FSIP2: variants seen among roughly 807,000 people sequenced by gnomAD.
FSIP2 encodes fibrous sheath-interacting protein 2.
FSIP2 carries 367 observed loss-of-function variants against 510.5 expected under a neutral mutation model. The observed-to-expected ratio is 0.72, with a 90% CI of 0.66 to 0.78. FSIP2 has a LOEUF of 0.78. FSIP2 is among the 30% of genes least tolerant of loss of function. FSIP2 has a pLI of 0.00. For missense variants in FSIP2, 7,594 were observed against 7,901.7 expected (o/e 0.96, Z 1.48); for synonymous variants, 2,601 against 2,732.2 (o/e 0.95, Z 1.50).
In FSIP2 at chr2:185,786,276, C is replaced by T; in HGVS notation, c.1494C>T (p.Cys498=). ...TNMQQNLLQN[C]LQEKVTSEEL... ...GGCAACAGAACTTGCTGCAAAATTG[C>T]TTGCAAGAAAAAGTATGTATCATAA... The change falls in exon 15 of 23, where the codon TGC becomes TGT. Residue 498 remains cysteine (C), a synonymous_variant. Transcript: ENST00000424728. 6.6e-7 allele frequency: 1 copy of T among 1,521,944 alleles called. No homozygotes were observed. Among genetic ancestry groups the T allele is most frequent in the South Asian group, 1.2e-5 (1 of 82,718 alleles). 94.3% of individuals were successfully genotyped at this position (1,521,944 alleles called of 1,614,324 possible). A position where few individuals can be genotyped will look rare whatever the true frequency, so the allele number is the denominator to read the frequency against.
At position 185,796,345 on chromosome 2, in the gene FSIP2, G is replaced by A. The variant is rs879109205; in HGVS notation, c.9209G>A (p.Arg3070Gln). 30 of 1,533,520 alleles carry A rather than the reference G, an allele frequency of 2.0e-5. No individual in the cohort carries two copies. The highest frequency in any genetic ancestry group is 7.1e-5 in the South Asian group (6 of 83,964). The allele number at this position is 1,533,520 out of a possible 1,614,324, so 95.0% of individuals were successfully genotyped here. The change falls in exon 16 of 23, where the codon CGG (arginine) becomes CAG (glutamine). Residue 3070 changes from arginine to glutamine, a missense_variant. Coordinates refer to ENST00000424728, the MANE Select transcript of FSIP2 (RefSeq NM_173651.4). ...FKENIQNILL[R>Q]VHSFHSQLLT... is the part of the protein sequence containing the mutation. The stretch of plus-strand genomic sequence containing the variant: ...GAAAACATACAGAATATCCTTCTAC[G>A]GGTTCATTCATTCCATTCACAATTA...
Position 185,790,013 on chromosome 2 carries a change from A to G in FSIP2, c.2877A>G (p.Gln959=), listed in dbSNP as rs1474270120. ...PVNESFQKSR[Q]PRISSPSDTK... ...ATGAAAGTTTTCAAAAAAGTAGGCA[A>G]CCTAGAATAAGTAGTCCTTCTGACA... Residue 959 remains glutamine (Q), a synonymous_variant, in exon 16 of 23, where the codon CAA becomes CAG. Transcript: ENST00000424728. 6.5e-7 allele frequency: 1 copy of G among 1,534,106 alleles called. No individual in the cohort carries two copies. Among genetic ancestry groups the G allele is most frequent in the Admixed American group, 2.0e-5 (1 of 50,836 alleles).
chr2:185,824,952 G>A (rs762043293), intron 20 of FSIP2, among the ~76,000 whole-genome samples: 1 of 150,996 alleles, frequency 6.6e-6, no homozygotes, highest in Non-Finnish European at 1.5e-5. Context: ...AATAGTCCTG[G>A]CTCCTTAGAA....
chr2:185,828,204 G>C lies in FSIP2; in HGVS notation c.20517+5G>C. On this transcript the variant is annotated splice_donor_5th_base_variant and intron_variant, in intron 21 of 22. Coordinates refer to ENST00000424728, the MANE Select transcript of FSIP2 (RefSeq NM_173651.4). ...GAGCATGGAAACAGTGTTAAGGTAA[G>C]TATTTTTAACTAGCCTTAGTTGATA... The C allele has an allele frequency of 6.5e-7, 1 of 1,546,928 alleles. No homozygotes were observed.
intron 13 of FSIP2, among the ~76,000 whole-genome samples, chr2:185,767,790 C>T (rs975569934): frequency 6.6e-6 from 1 of 152,096 alleles, no homozygotes; most frequent in Admixed American, 6.6e-5. Context: ...TATATATTAG[C>T]TATTGTGAAT....
At chr2:185,758,092 T>C (rs79869606) in intron 9 of FSIP2, among the ~76,000 whole-genome samples, 5,785 of 151,388 alleles carry the variant, frequency 0.038, 348 homozygotes, top group African/African-American at 0.12. Flanking sequence ...TCATACATTA[T>C]GTAACTTTAT....
chr2:185,799,997 T>A lies in FSIP2; in HGVS notation c.10691T>A (p.Ile3564Asn). 1 of 1,518,152 alleles carries A rather than the reference T, an allele frequency of 6.6e-7. No individual in the cohort carries two copies. The highest frequency in any genetic ancestry group is 8.8e-7 in the Non-Finnish European group (1 of 1,135,412). 94.0% of individuals were successfully genotyped at this position (1,518,152 alleles called of 1,614,324 possible). ...CTTGCTTTATGTATTTCTGAAATCA[T>A]TATTAAAATTCTTTTTAATAATAAA... ...GELALCISEI[I>N]IKILFNNKII... The change falls in exon 17 of 23, where the codon ATT becomes AAT. Residue 3564 changes from isoleucine (I) to asparagine (N), a missense_variant. Coordinates refer to ENST00000424728, the MANE Select transcript of FSIP2 (RefSeq NM_173651.4).
rs1258670780 is a variant in FSIP2, at chr2:185,801,624, C to T, written c.12318C>T (p.Tyr4106=). Residue 4106 remains tyrosine, a synonymous_variant, in exon 17 of 23, where the codon TAC becomes TAT. Transcript: ENST00000424728. ...FKEHLIPHSY[Y]PLKPEIILQK... ...AACATCTCATACCCCATTCATATTA[C>T]CCTCTCAAACCTGAAATTATATTGC... The T allele has an allele frequency of 7.8e-6, 12 of 1,529,818 alleles. No individual in the cohort carries two copies. The highest frequency in any genetic ancestry group is 1.4e-5 in the African/African-American group (1 of 72,602). 94.8% of individuals were successfully genotyped at this position (1,529,818 alleles called of 1,614,324 possible).
chr2:185,813,836 A>G lies in FSIP2; in HGVS notation c.20119A>G (p.Ser6707Gly), dbSNP rs751219178. 1.2e-6 allele frequency: 2 copies of G among 1,613,658 alleles called. No homozygotes were observed. The highest frequency in any genetic ancestry group is 3.3e-5 in the Admixed American group (2 of 59,928). ...TTCTCCTAAGTCAACACTAAGCACGAGCAGCCTGAAAAAATTTTTGTCACT... is the reference window on the plus strand; with the variant it reads ...TTCTCCTAAGTCAACACTAAGCACGGGCAGCCTGAAAAAATTTTTGTCACT... Reference protein sequence around the residue: ...KLSPKSTLSTSSLKKFLSLSK... With the variant: ...KLSPKSTLSTGSLKKFLSLSK... Residue 6707 changes from serine (S) to glycine (G), a missense_variant, in exon 18 of 23, where the codon AGC becomes GGC. By Grantham distance (56) the Ser-to-Gly change is moderately conservative. Coordinates refer to ENST00000424728, the MANE Select transcript of FSIP2 (RefSeq NM_173651.4).
At chr2:185,739,031 G>T in intron 1 of FSIP2, 38 bp downstream of exon 1, 1 of 1,517,978 alleles carries the variant, frequency 6.6e-7, no homozygotes, top group East Asian at 2.5e-5. Flanking sequence ...GCCCTCTGGC[G>T]GCCGCAGGCC....
Position 185,805,685 on chromosome 2 carries a change from G to A in FSIP2, c.16379G>A (p.Ser5460Asn), listed in dbSNP as rs372422508. 1.4e-5 allele frequency: 23 copies of A among 1,610,360 alleles called. No individual in the cohort carries two copies. Among genetic ancestry groups the A allele is most frequent in the Non-Finnish European group, 2.0e-5 (23 of 1,178,390 alleles). ...ACCCCAGATTGCAAAAACATGATGA[G>A]CACTTTGGAAATAAATAGAGGTACA... ...SSTPDCKNMMSTLEINRGTMN... is the reference protein window; with the variant it reads ...SSTPDCKNMMNTLEINRGTMN... The change falls in exon 17 of 23, where the codon AGC becomes AAC. Residue 5460 changes from serine to asparagine, a missense_variant. By Grantham distance (46) the Ser-to-Asn change is conservative (BLOSUM62 1). Transcript: ENST00000424728.
chr2:185,741,623 T>C (rs1223114866), intron 2 of FSIP2, among the ~76,000 whole-genome samples: 1 of 152,224 alleles, frequency 6.6e-6, no homozygotes, highest in African/African-American at 2.4e-5. Context: ...GGGCTTCATA[T>C]GTGGATTCAC....
Position 185,738,918 on chromosome 2 carries a change from C to T in FSIP2, c.24C>T (p.Cys8=). Residue 8 remains cysteine (C), a synonymous_variant, in exon 1 of 23, where the codon TGC becomes TGT. Transcript: ENST00000424728. MELYLGA[C]SKPAKVAVTK... is the part of the protein sequence containing the mutation. Reference sequence around the variant, plus strand: ...CCATGGAGCTGTACCTCGGCGCCTGCTCCAAGCCTGCCAAAGTCGCCGTCA... The same window carrying T: ...CCATGGAGCTGTACCTCGGCGCCTGTTCCAAGCCTGCCAAAGTCGCCGTCA... 6.5e-7 allele frequency: 1 copy of T among 1,534,984 alleles called. No individual in the cohort carries two copies. The highest frequency in any genetic ancestry group is 8.7e-7 in the Non-Finnish European group (1 of 1,146,712).
At chr2:185,828,428 A>C (rs2105688961) in intron 21 of FSIP2, among the ~76,000 whole-genome samples, 1 of 151,950 alleles carries the variant, frequency 6.6e-6, no homozygotes, top group South Asian at 2.1e-4. Context: ...TTCCTTGTTT[A>C]GGGGCACAAA....
Position 185,794,374 on chromosome 2 carries a change from C to A in FSIP2, c.7238C>A (p.Ser2413Ter). ...TCTGTAAAGGAAATTTGTTTTAATT[C>A]AAAAGAAAATTCTAACTTTTCACAA... ...KRSVKEICFN[S>*]KENSNFSQLA... The change falls in exon 16 of 23, where the codon TCA becomes TAA. Residue 2413 changes from serine to a stop codon, truncating the protein, a stop_gained. Transcript: ENST00000424728. LOFTEE classifies it high-confidence loss of function. The A allele has an allele frequency of 1.3e-6, 2 of 1,517,088 alleles. No homozygotes were observed. The highest frequency in any genetic ancestry group is 2.5e-5 in the South Asian group (2 of 80,144). The allele number at this position is 1,517,088 out of a possible 1,614,324, so 94.0% of individuals were successfully genotyped here.
intron 21 of FSIP2, 26 bp from the exon 22 acceptor site, chr2:185,831,787 G>A (rs569799552): frequency 9.9e-6 from 15 of 1,521,278 alleles, no homozygotes; most frequent in Middle Eastern, 1.7e-4. Context: ...GAAAGACTCA[G>A]TTTGTATTTC....
Position 185,790,557 on chromosome 2 carries a change from G to T in FSIP2, c.3421G>T (p.Val1141Phe). The change falls in exon 16 of 23, where the codon GTT becomes TTT. Residue 1141 changes from valine (V) to phenylalanine (F), a missense_variant. Physicochemically the swap from Val to Phe is conservative, Grantham distance 50. Coordinates refer to ENST00000424728, the MANE Select transcript of FSIP2 (RefSeq NM_173651.4). ...AACTGGCAGTGAAGCTTCAGTTCTTGTTTCAGAAAAGCCTCAAGGACTGTC... is the reference window on the plus strand; with the variant it reads ...AACTGGCAGTGAAGCTTCAGTTCTTTTTTCAGAAAAGCCTCAAGGACTGTC... The part of the protein sequence containing the change: ...SKTGSEASVL[V>F]SEKPQGLSHQ... 2.0e-6 allele frequency: 3 copies of T among 1,533,820 alleles called. No individual in the cohort carries two copies. Among genetic ancestry groups the T allele is most frequent in the Non-Finnish European group, 2.6e-6 (3 of 1,145,516 alleles).
chr2:185,739,377 G>A lies in FSIP2; in HGVS notation c.131G>A (p.Gly44Glu). The A allele has an allele frequency of 6.5e-7, 1 of 1,535,294 alleles. No individual in the cohort carries two copies. The highest frequency in any genetic ancestry group is 1.7e-4 in the Middle Eastern group (1 of 5,982). ...CACAAAACCCACTTTGCAGGGGTTGGACCGGCTCAGCTACTGGACCTACCT... is the reference window on the plus strand; with the variant it reads ...CACAAAACCCACTTTGCAGGGGTTGAACCGGCTCAGCTACTGGACCTACCT... ...GVHKTHFAGVGPAQLLDLPLG... is the reference protein window; with the variant it reads ...GVHKTHFAGVEPAQLLDLPLG... Residue 44 changes from glycine to glutamate, a missense_variant, in exon 2 of 23, where the codon GGA (glycine) becomes GAA (glutamate). Physicochemically the swap from Gly to Glu is moderately conservative, Grantham distance 98 (BLOSUM62 -2). Transcript: ENST00000424728.
At chr2:185,746,253 A>G (rs143794859) in intron 5 of FSIP2, among the ~76,000 whole-genome samples, 1 of 151,672 alleles carries the variant, frequency 6.6e-6, no homozygotes, top group East Asian at 1.9e-4. Flanking sequence ...CAAGGAACCC[A>G]GTGCCCAGTT....
Sources: gnomAD v4.1 joint callset for allele counts (sites outside exome capture counted in the v4.1 genomes callset) on GRCh38, gnomAD v4.1.1 for gene constraint, MANE v1.5 for transcripts, NCBI Gene and HGNC (gene_info 2026-07-23, HGNC 2026-07-21) for gene names.